The following ADGRV1 variants were observed in gnomAD, a reference collection of about 807,000 sequenced individuals.
The protein encoded by ADGRV1 is G-protein coupled receptor 98.
In ADGRV1, 359 loss-of-function variants were observed where a neutral mutation model predicts 596.2. The ratio of observed to expected loss-of-function variants is 0.60; its 90% CI spans 0.55 to 0.66. The LOEUF is 0.66. Among genes scored for constraint, ADGRV1 ranks in the 30% least tolerant of loss-of-function variants. The pLI is 0.00. For missense variants in ADGRV1, 7,274 were observed against 7,575.6 expected (o/e 0.96, Z 1.48); for synonymous variants, 2,681 against 2,679.2 (o/e 1.00, Z -0.02).
At chr5:90,902,896 G>A (rs1241285880) in intron 83 of ADGRV1, among the ~76,000 whole-genome samples, 1 of 152,048 alleles carries the variant, frequency 6.6e-6, no homozygotes, top group East Asian at 1.9e-4. Flanking sequence ...TCTGCCACAT[G>A]CATCACATAA....
chr5:91,153,441 G>T, intron 89 of ADGRV1, 43 bp downstream of exon 89: 1 of 1,375,572 alleles, frequency 7.3e-7, no homozygotes, highest in Non-Finnish European at 9.9e-7. Context: ...AGGCACTCTT[G>T]CTATGTTACA....
rs1466266881 is a variant in ADGRV1, at chr5:91,128,344, T to G, written c.18433-21686T>G. Among the ~76,000 whole-genome samples the G allele has an allele frequency of 2.0e-5, 3 of 152,014 alleles. No homozygotes were observed. In the East Asian group the frequency reaches 5.8e-4, roughly 29 times the overall value. Reference sequence around the variant, plus strand: ...AGCAAATGCATTTGGATTTACAATATTTTCAACTAAAAATGGGTTTATTGA... The same window carrying G: ...AGCAAATGCATTTGGATTTACAATAGTTTCAACTAAAAATGGGTTTATTGA... On this transcript the variant is annotated intron_variant, in intron 87 of 89. Coordinates refer to ENST00000405460, the MANE Select transcript of ADGRV1 (RefSeq NM_032119.4).
intron 82 of ADGRV1, 87 bp from the exon 83 acceptor site, chr5:90,863,670 C>T (rs1767815755): frequency 1.0e-6 from 1 of 963,850 alleles, no homozygotes; most frequent in East Asian, 2.4e-5. Context: ...ACCTGACATG[C>T]CTAGCTGCCC....
chr5:90,835,152 G>A (rs1247638397), intron 77 of ADGRV1, among the ~76,000 whole-genome samples: 1 of 152,112 alleles, frequency 6.6e-6, no homozygotes, highest in East Asian at 1.9e-4. Flanking sequence ...CACAATCTGG[G>A]CTTATTTTTA....
At chr5:90,711,653 A>G (rs1749368012) in intron 41 of ADGRV1, among the ~76,000 whole-genome samples, 1 of 152,210 alleles carries the variant, frequency 6.6e-6, no homozygotes, top group African/African-American at 2.4e-5. Context: ...CTTACACTTC[A>G]CGAAAATTTT....
chr5:90,857,070 A>G (rs903080594), intron 82 of ADGRV1, among the ~76,000 whole-genome samples: 1 of 152,042 alleles, frequency 6.6e-6, no homozygotes, highest in African/African-American at 2.4e-5. Flanking sequence ...TCTTTAATGT[A>G]TTTTAATTCT....
In ADGRV1 at chr5:90,779,095, A is replaced by G; in HGVS notation, c.13080A>G (p.Gly4360=). ...SLTITKVELQ[G]RGYDFTIQEN... ...CAATTACAAAGGTGGAACTCCAGGG[A>G]AGGTAAAGGAGAAAGGCAATTAGGA... is the stretch of plus-strand genomic sequence containing the variant. The change falls in exon 64 of 90, where the codon GGA becomes GGG. Residue 4360 remains glycine (G), a splice_region_variant and synonymous_variant. Coordinates refer to ENST00000405460, the MANE Select transcript of ADGRV1 (RefSeq NM_032119.4). 6.3e-7 allele frequency: 1 copy of G among 1,583,130 alleles called. No individual in the cohort carries two copies. The highest frequency in any genetic ancestry group is 8.7e-7 in the Non-Finnish European group (1 of 1,152,678).
At chr5:90,643,440 G>GA (rs1767268009) in intron 13 of ADGRV1, among the ~76,000 whole-genome samples, 1 of 151,994 alleles carries the variant, frequency 6.6e-6, no homozygotes, top group African/African-American at 2.4e-5. Context: ...TATATTAATG[G>GA]AACCAGGTAT....
chr5:90,787,653 C>T (rs1427777635), intron 67 of ADGRV1, among the ~76,000 whole-genome samples: 7 of 140,124 alleles, frequency 5.0e-5, no homozygotes, highest in African/African-American at 1.6e-4. Context: ...AGTGCAGTGG[C>T]GTGATCTTGG....
At chr5:90,717,752 G>C (rs898489724) in intron 43 of ADGRV1, 1 of 152,058 alleles carries the variant, frequency 6.6e-6, no homozygotes, top group Non-Finnish European at 1.5e-5. Context: ...TGATCCGCCC[G>C]CCTCAGCCTC....
At position 90,711,294 on chromosome 5, in the gene ADGRV1, T is replaced by C; in HGVS notation, c.9014T>C (p.Val3005Ala). The change falls in exon 41 of 90, where the codon GTG becomes GCG. Residue 3005 changes from valine to alanine, a missense_variant. This residue lies in a region of ADGRV1 where 3,643 missense variants were observed against 3,809.2 expected (regional missense o/e 0.96). Coordinates refer to ENST00000405460, the MANE Select transcript of ADGRV1 (RefSeq NM_032119.4). The stretch of plus-strand genomic sequence containing the variant: ...TATGCTCAGAATTTGGAAGCACAAG[T>C]GGGGCTGGATTATATCTTCACCCCA... ...FVYAQNLEAQ[V>A]GLDYIFTPMI... The C allele has an allele frequency of 1.2e-6, 2 of 1,612,462 alleles. No individual in the cohort carries two copies. The highest frequency in any genetic ancestry group is 1.7e-6 in the Non-Finnish European group (2 of 1,179,208).
At position 90,672,609 on chromosome 5, in the gene ADGRV1, G is replaced by A. The variant is rs1475843272; in HGVS notation, c.4816G>A (p.Val1606Met). 2 of 1,613,662 alleles carry A rather than the reference G, an allele frequency of 1.2e-6. No homozygotes were observed. The highest frequency in any genetic ancestry group is 2.7e-5 in the African/African-American group (2 of 74,922). ...VERTRGALDY[V>M]HVFYTISQIE... ...GAGAACCAGAGGAGCTCTGGATTAT[G>A]TGCATGTTTTTTACACCATTTCACA... Residue 1606 changes from valine (V) to methionine (M), a missense_variant, in exon 22 of 90, where the codon GTG becomes ATG. Coordinates refer to ENST00000405460, the MANE Select transcript of ADGRV1 (RefSeq NM_032119.4).
intron 85 of ADGRV1, among the ~76,000 whole-genome samples, chr5:91,012,994 G>A (rs539051295): frequency 3.2e-4 from 48 of 152,056 alleles, no homozygotes; most frequent in Admixed American, 2.6e-3. Context: ...CTCTTCTTGC[G>A]TTAGTTTGCT....
intron 86 of ADGRV1, among the ~76,000 whole-genome samples, chr5:91,093,528 C>T (rs1463609319): frequency 6.6e-6 from 1 of 152,210 alleles, no homozygotes; most frequent in Non-Finnish European, 1.5e-5. Flanking sequence ...TATGCCAGAC[C>T]ATGTGCTAGG....
At chr5:90,697,197 G>A in intron 34 of ADGRV1, 51 bp downstream of exon 34, 1 of 1,478,490 alleles carries the variant, frequency 6.8e-7, no homozygotes, top group Non-Finnish European at 9.3e-7. Flanking sequence ...TATGGATGTT[G>A]TCTTTTGTCT....
intron 83 of ADGRV1, among the ~76,000 whole-genome samples, chr5:90,944,340 C>T (rs1179257647): frequency 1.3e-5 from 2 of 152,126 alleles, no homozygotes; most frequent in Non-Finnish European, 2.9e-5. Flanking sequence ...CAGGCATTTA[C>T]ATGTATACAT....
At chr5:90,967,393 A>G (rs1778570071) in intron 84 of ADGRV1, among the ~76,000 whole-genome samples, 1 of 152,228 alleles carries the variant, frequency 6.6e-6, no homozygotes, top group African/African-American at 2.4e-5. Flanking sequence ...ATTTGCAAAT[A>G]AAAGTGAATT....
chr5:90,721,284 C>A (rs1021096813), intron 45 of ADGRV1, among the ~76,000 whole-genome samples: 2 of 151,918 alleles, frequency 1.3e-5, no homozygotes, highest in Non-Finnish European at 2.9e-5. Flanking sequence ...GCGGGTGGAT[C>A]ACAAGGTCAG....
In ADGRV1 at chr5:90,619,436, C is replaced by T. The variant is rs531887122; in HGVS notation, c.453+255C>T. Among the ~76,000 whole-genome samples the T allele has an allele frequency of 2.6e-5, 4 of 152,174 alleles. No homozygotes were observed. The East Asian group carries it at 7.7e-4, about 29-fold the overall frequency. On this transcript the variant is annotated intron_variant, in intron 4 of 89. Transcript: ENST00000405460. Reference sequence around the variant, plus strand: ...TTTCTGCTGATTGTTCCACCTGACTCCTTTGTTAACTCTTCTGTCTTTAAC... The same window carrying T: ...TTTCTGCTGATTGTTCCACCTGACTTCTTTGTTAACTCTTCTGTCTTTAAC...
Sources: gnomAD v4.1 joint callset for allele counts (sites outside exome capture counted in the v4.1 genomes callset) on GRCh38, gnomAD v4.1.1 for gene constraint, gnomAD v4.1.1 regional missense constraint, MANE v1.5 for transcripts, NCBI Gene and HGNC (gene_info 2026-07-23, HGNC 2026-07-21) for gene names.